Variants in DGKB observed in about 807,000 individuals in gnomAD.
DGKB encodes the protein diacylglycerol kinase beta.
Under a neutral mutation model 114.3 loss-of-function variants are expected in DGKB, and 67 were observed. The observed-to-expected ratio is 0.59, with a 90% CI of 0.48 to 0.72. The LOEUF (loss-of-function observed/expected upper bound fraction) is 0.72, where lower values mean the gene tolerates loss of function less well. Ranked by LOEUF, DGKB falls within the 30% of genes least tolerant of loss-of-function variation. The probability of loss-of-function intolerance (pLI) is 0.00; values close to 1 mark genes in which losing one functional copy is unlikely to be tolerated. For missense variants in DGKB, 907 were observed against 975.2 expected, an observed-to-expected ratio of 0.93 and a Z score of 0.93; for synonymous variants, 398 against 323.1, an observed-to-expected ratio of 1.23 and a Z score of -2.49.
chr7:14,339,342 A>G (rs546767548), intron 22 of DGKB, among the ~76,000 whole-genome samples: 1 of 150,716 alleles, frequency 6.6e-6, no homozygotes, highest in Non-Finnish European at 1.5e-5. Flanking sequence ...CAGTTGTCCA[A>G]ATGAATATGG....
chr7:14,936,877 T>G (rs2128252921), intron 1 of DGKB, among the ~76,000 whole-genome samples: 1 of 152,158 alleles, frequency 6.6e-6, no homozygotes, highest in Middle Eastern at 3.4e-3. Context: ...GTGGTGACAC[T>G]TGGAGGGGAC....
In DGKB at chr7:14,647,677, C is replaced by T. The variant is rs373944566; in HGVS notation, c.1135-17409G>A. Among the ~76,000 whole-genome samples the T allele has an allele frequency of 5.3e-5, 8 of 152,164 alleles. No individual in the cohort carries two copies. The East Asian group carries it at 9.7e-4, about 18-fold the overall frequency. ...GAATAGTAACAGCTCGGGTCTACAG[C>T]TCCCAGCATGAACGACGCAGAAGAC... On this transcript the variant is annotated intron_variant, in intron 13 of 25. Coordinates refer to ENST00000402815, the MANE Select transcript of DGKB (RefSeq NM_001350709.2).
intron 23 of DGKB, among the ~76,000 whole-genome samples, chr7:14,243,691 C>A (rs1303853131): frequency 4.6e-5 from 7 of 152,134 alleles, no homozygotes; most frequent in Non-Finnish European, 8.8e-5. Context: ...AAATAAAAAT[C>A]TCTCCTCTTA....
chr7:14,777,930 T>C (rs1360929163), intron 2 of DGKB, among the ~76,000 whole-genome samples: 2 of 152,216 alleles, frequency 1.3e-5, no homozygotes, highest in African/African-American at 4.8e-5. Context: ...GTGTTGGCTC[T>C]TGTGTATAGA....
At chr7:14,576,602 T>C (rs1799154758) in intron 19 of DGKB, among the ~76,000 whole-genome samples, 1 of 152,088 alleles carries the variant, frequency 6.6e-6, no homozygotes, top group South Asian at 2.1e-4. Flanking sequence ...GCAGAAATAC[T>C]AGTAAATAAT....
intron 1 of DGKB, among the ~76,000 whole-genome samples, chr7:14,888,693 C>T (rs1342859726): frequency 2.0e-5 from 3 of 151,704 alleles, no homozygotes; most frequent in Non-Finnish European, 4.4e-5. Flanking sequence ...TCCCTTGGTT[C>T]TATTCCTTCA....
rs542443954 is a variant in DGKB, at chr7:14,278,638, G to T, written c.2122+59877C>A. On this transcript the variant is annotated intron_variant, in intron 23 of 25. Coordinates refer to ENST00000402815, the MANE Select transcript of DGKB (RefSeq NM_001350709.2). ...CAGTCAACAAAAAGTAGACAAATGG[G>T]ATTGCATCAAACTAAAAATGTTCTG... 1.9e-4 allele frequency among the ~76,000 whole-genome samples: 29 copies of T among 152,256 alleles called. 1 individual carries two copies. In the South Asian group the frequency reaches 5.4e-3, roughly 28 times the overall value.
At chr7:14,735,928 C>T (rs956329928) in intron 5 of DGKB, 113 bp downstream of exon 5, 3 of 627,286 alleles carry the variant, frequency 4.8e-6, no homozygotes, top group African/African-American at 3.8e-5. Flanking sequence ...AAAGTCTAAA[C>T]CCTGTAACAA....
chr7:14,324,388 A>T (rs1808358987), intron 23 of DGKB, among the ~76,000 whole-genome samples: 1 of 150,422 alleles, frequency 6.6e-6, no homozygotes. Flanking sequence ...CAGAGTTTGT[A>T]CTGAGCCAAG....
intron 23 of DGKB, among the ~76,000 whole-genome samples, chr7:14,265,356 A>G (rs1797353773): frequency 1.2e-5 from 1 of 83,924 alleles, no homozygotes; most frequent in Non-Finnish European, 2.1e-5. Flanking sequence ...AGTCTCATTC[A>G]GATATTACCC....
chr7:14,673,168 AG>A (rs34768816), intron 12 of DGKB, 141 bp from the exon 13 acceptor site: 214,224 of 573,946 alleles, frequency 0.37, 47,266 homozygotes, highest in East Asian at 0.87. Context: ...AGAGTCATAA[AG>A]GAATTCATAA....
At position 14,784,881 on chromosome 7, in the gene DGKB, C is replaced by A. The variant is rs905705524; in HGVS notation, c.71-27150G>T. 8.6e-5 allele frequency among the ~76,000 whole-genome samples: 13 copies of A among 151,406 alleles called. 1 individual carries two copies. Among genetic ancestry groups the A allele is most frequent in the Admixed American group, 8.5e-4 (13 of 15,222 alleles). On this transcript the variant is annotated intron_variant, in intron 2 of 25. Coordinates refer to ENST00000402815, the MANE Select transcript of DGKB (RefSeq NM_001350709.2). ...GGAATTTTTTATACTTCTTGTGATC[C>A]CTACAATATATTCTATGTGTATTTG...
chr7:14,833,256 T>C (rs1562660924), intron 2 of DGKB, among the ~76,000 whole-genome samples: 1 of 152,122 alleles, frequency 6.6e-6, no homozygotes. Flanking sequence ...AAAGATACAA[T>C]TTATTTACTT....
intron 23 of DGKB, chr7:14,209,394 C>A (rs557877050): frequency 2.1e-6 from 1 of 467,442 alleles, no homozygotes; most frequent in East Asian, 7.0e-5. Context: ...ACTATAAAAA[C>A]AAGATCAAAA....
intron 8 of DGKB, among the ~76,000 whole-genome samples, chr7:14,694,645 C>T (rs1165986872): frequency 1.3e-5 from 2 of 152,018 alleles, no homozygotes; most frequent in African/African-American, 4.8e-5. Context: ...TTAATAGAGT[C>T]GAGAAGTTAA....
chr7:14,541,003 C>T (rs1345096325), intron 20 of DGKB, among the ~76,000 whole-genome samples: 3 of 152,142 alleles, frequency 2.0e-5, no homozygotes, highest in Non-Finnish European at 4.4e-5. Context: ...TTCATTGTGG[C>T]TGCATCTGAA....
chr7:14,326,589 A>C (rs1221876008), intron 23 of DGKB, among the ~76,000 whole-genome samples: 1 of 152,160 alleles, frequency 6.6e-6, no homozygotes, highest in Admixed American at 6.5e-5. Context: ...AGTGGAAGGA[A>C]AGAAAATTAA....
intron 20 of DGKB, among the ~76,000 whole-genome samples, chr7:14,529,707 T>C (rs1400816332): frequency 1.3e-5 from 2 of 151,820 alleles, no homozygotes; most frequent in Admixed American, 6.6e-5. Context: ...TTATTTGACA[T>C]AGTGTTAATA....
chr7:14,796,950 TACTC>T (rs1315673722), intron 2 of DGKB, among the ~76,000 whole-genome samples: 1 of 152,200 alleles, frequency 6.6e-6, no homozygotes, highest in Non-Finnish European at 1.5e-5. Flanking sequence ...AAGGCAAAAT[TACTC>T]ACTTTTCTTT....
Sources: gnomAD v4.1 joint callset for allele counts (sites outside exome capture counted in the v4.1 genomes callset) on GRCh38, gnomAD v4.1.1 for gene constraint, MANE v1.5 for transcripts, NCBI Gene and HGNC (gene_info 2026-07-23, HGNC 2026-07-21) for gene names.